MCTP1: variants seen among roughly 807,000 people sequenced by gnomAD.
The protein encoded by MCTP1 is multiple C2 and transmembrane domain-containing protein 1.
A neutral mutation model predicts 120.6 loss-of-function variants in MCTP1; 69 were observed. That is an observed-to-expected ratio of 0.57 (90% CI 0.47 to 0.70). MCTP1 has a LOEUF of 0.70. Among genes scored for constraint, MCTP1 ranks in the 30% least tolerant of loss-of-function variants. The pLI, the probability that MCTP1 is intolerant of heterozygous loss-of-function variation, is 0.00. For missense variants in MCTP1, 1,203 were observed against 1,248.8 expected (o/e 0.96, Z 0.55); for synonymous variants, 529 against 493.1 (o/e 1.07, Z -0.96).
At chr5:95,184,008 G>T (rs575173302) in intron 1 of MCTP1, among the ~76,000 whole-genome samples, 1 of 152,114 alleles carries the variant, frequency 6.6e-6, no homozygotes, top group Admixed American at 6.6e-5. Context: ...GGCCTGTTGG[G>T]GGGTGAGGGG....
chr5:95,032,487 A>T (rs1001827521), intron 1 of MCTP1, among the ~76,000 whole-genome samples: 7 of 152,078 alleles, frequency 4.6e-5, no homozygotes, highest in Admixed American at 3.9e-4. Flanking sequence ...TTTCCGAAGA[A>T]CTTTGGGTAA....
At position 95,054,210 on chromosome 5, in the gene MCTP1, T is replaced by C. The variant is rs569402917; in HGVS notation, c.721-36726A>G. On this transcript the variant is annotated intron_variant, in intron 1 of 22. Coordinates refer to ENST00000515393, the MANE Select transcript of MCTP1 (RefSeq NM_024717.7). ...CCGTGAGGGCCCACAGCCCGAGACC[T>C]GTCCAAGATTACCCGGTTACTGTAG... is the stretch of plus-strand genomic sequence containing the variant. 7.2e-5 allele frequency among the ~76,000 whole-genome samples: 11 copies of C among 152,308 alleles called. No individual in the cohort carries two copies. The South Asian group carries it at 2.3e-3, about 32-fold the overall frequency.
chr5:94,980,729 C>T (rs1013598836), intron 2 of MCTP1: 1 of 151,992 alleles, frequency 6.6e-6, no homozygotes, highest in Non-Finnish European at 1.5e-5. Context: ...ATACAATAAG[C>T]TGATCTTCTT....
chr5:94,743,628 C>T, intron 19 of MCTP1, among the ~76,000 whole-genome samples: 1 of 135,790 alleles, frequency 7.4e-6, no homozygotes, highest in South Asian at 2.3e-4. Flanking sequence ...GCTCAAAATC[C>T]ACATTTTTTT....
chr5:94,906,531 T>C (rs1806982267), intron 10 of MCTP1, among the ~76,000 whole-genome samples: 1 of 152,158 alleles, frequency 6.6e-6, no homozygotes. Flanking sequence ...AGTACTAAAA[T>C]AGTTTTAACT....
chr5:94,852,053 T>C (rs1379937427), intron 17 of MCTP1, among the ~76,000 whole-genome samples: 1 of 151,904 alleles, frequency 6.6e-6, no homozygotes, highest in Admixed American at 6.6e-5. Flanking sequence ...TATAATTAAA[T>C]TGTTCAGCCA....
chr5:94,869,862 T>A (rs975484211), intron 16 of MCTP1, among the ~76,000 whole-genome samples: 1 of 152,138 alleles, frequency 6.6e-6, no homozygotes, highest in African/African-American at 2.4e-5. Flanking sequence ...ATTTCCTGAT[T>A]CTAACTTTCT....
At chr5:94,814,963 G>A (rs902316898) in intron 17 of MCTP1, among the ~76,000 whole-genome samples, 14 of 151,984 alleles carry the variant, frequency 9.2e-5, no homozygotes, top group African/African-American at 3.4e-4. Flanking sequence ...GATGTCTGTC[G>A]CCAAGTTACC....
intron 1 of MCTP1, among the ~76,000 whole-genome samples, chr5:95,072,086 T>TGTGTGTGTGTGTGTGC (rs1752320620): frequency 6.6e-6 from 1 of 151,118 alleles, no homozygotes; most frequent in African/African-American, 2.4e-5. Context: ...TTTTCCTGTG[T>TGTGTGTGTGTGTGTGC]GTGTGTGTGT....
At position 95,283,997 on chromosome 5, in the gene MCTP1, C is replaced by T; in HGVS notation, c.579G>A (p.Leu193=). The change falls in exon 1 of 23, where the codon TTG becomes TTA. Residue 193 remains leucine (L), a synonymous_variant. Transcript: ENST00000515393. The stretch of plus-strand genomic sequence containing the variant: ...GCAGAGAGGAGCTCTTCTGGTGGCA[C>T]AAGTGCGCCCCGGGGCCCTGACGCC... ...GARRQGPGAH[L]CHQKSSSLPG... is the part of the protein sequence containing the mutation. 2 of 1,469,150 alleles carry T rather than the reference C, an allele frequency of 1.4e-6. No individual in the cohort carries two copies. The highest frequency in any genetic ancestry group is 1.8e-6 in the Non-Finnish European group (2 of 1,114,100). The allele number at this position is 1,469,150 out of a possible 1,614,324, so 91.0% of individuals were successfully genotyped here.
At chr5:94,989,769 G>C (rs553642855) in intron 2 of MCTP1, among the ~76,000 whole-genome samples, 1 of 152,248 alleles carries the variant, frequency 6.6e-6, no homozygotes, top group African/African-American at 2.4e-5. Context: ...GATCCAGATT[G>C]AGATCAATCA....
intron 12 of MCTP1, among the ~76,000 whole-genome samples, chr5:94,887,097 A>G (rs550862919): frequency 2.0e-5 from 3 of 152,316 alleles, no homozygotes; most frequent in African/African-American, 7.2e-5. Context: ...AATTCAGAGC[A>G]CATTAGATTA....
intron 1 of MCTP1, among the ~76,000 whole-genome samples, chr5:95,239,086 T>C (rs1755879240): frequency 6.6e-6 from 1 of 152,162 alleles, no homozygotes; most frequent in Admixed American, 6.5e-5. Context: ...TGGTCTCACA[T>C]CTCACTGTTA....
At chr5:95,167,008 C>G (rs162476) in intron 1 of MCTP1, among the ~76,000 whole-genome samples, 1 of 149,662 alleles carries the variant, frequency 6.7e-6, no homozygotes, top group African/African-American at 2.5e-5. Context: ...TGTTGGTGTG[C>G]TGCACCCATT....
intron 1 of MCTP1, among the ~76,000 whole-genome samples, chr5:95,105,973 A>C (rs777565420): frequency 2.0e-5 from 3 of 152,132 alleles, no homozygotes; most frequent in Non-Finnish European, 2.9e-5. Context: ...TAAAAACATC[A>C]AGTCTACCAG....
chr5:94,834,893 A>G (rs1239320386), intron 17 of MCTP1, among the ~76,000 whole-genome samples: 1 of 145,980 alleles, frequency 6.9e-6, no homozygotes, highest in East Asian at 2.0e-4. Flanking sequence ...TCCCTGCTCA[A>G]TGCAACTGCA....
chr5:95,282,976 G>A (rs1435008373), intron 1 of MCTP1, among the ~76,000 whole-genome samples: 1 of 152,146 alleles, frequency 6.6e-6, no homozygotes, highest in African/African-American at 2.4e-5. Context: ...GATATATTGG[G>A]AGAAAAATGT....
At chr5:94,854,563 T>TA (rs1794377210) in intron 17 of MCTP1, among the ~76,000 whole-genome samples, 1 of 151,842 alleles carries the variant, frequency 6.6e-6, no homozygotes, top group South Asian at 2.1e-4. Flanking sequence ...TATAACACTG[T>TA]AAAAATGAGT....
intron 1 of MCTP1, among the ~76,000 whole-genome samples, chr5:95,235,236 C>T (rs939761375): frequency 6.6e-6 from 1 of 151,672 alleles, no homozygotes; most frequent in African/African-American, 2.4e-5. Flanking sequence ...TCAATAGATG[C>T]AGAAAAAGCA....
Sources: gnomAD v4.1 joint callset for allele counts (sites outside exome capture counted in the v4.1 genomes callset) on GRCh38, gnomAD v4.1.1 for gene constraint, MANE v1.5 for transcripts, NCBI Gene and HGNC (gene_info 2026-07-23, HGNC 2026-07-21) for gene names.